DLGAP1: variants seen among roughly 807,000 people sequenced by gnomAD.
DLGAP1 encodes the protein DLG associated protein 1, also known as disks large-associated protein 1.
In DLGAP1, 11 loss-of-function variants were observed where a neutral mutation model predicts 90.8. The ratio of observed to expected loss-of-function variants is 0.12; its 90% CI spans 0.08 to 0.20. The LOEUF is 0.20. Ranked by LOEUF, DLGAP1 falls within the 10% of genes least tolerant of loss-of-function variation. The pLI, the probability that DLGAP1 is intolerant of heterozygous loss-of-function variation, is 1.00. For missense variants in DLGAP1, 1,050 were observed against 1,333.8 expected, an observed-to-expected ratio of 0.79 and a Z score of 3.31; for synonymous variants, 558 against 540.7, an observed-to-expected ratio of 1.03 and a Z score of -0.44.
intron 1 of DLGAP1, among the ~76,000 whole-genome samples, chr18:4,343,361 C>T (rs1030350810): frequency 6.6e-6 from 1 of 151,332 alleles, no homozygotes; most frequent in Non-Finnish European, 1.5e-5. Flanking sequence ...CATGCAGAAC[C>T]ATGGAGATAA....
chr18:4,202,094 TA>T (rs1568448179), intron 1 of DLGAP1, among the ~76,000 whole-genome samples: 2 of 151,926 alleles, frequency 1.3e-5, no homozygotes, highest in African/African-American at 4.8e-5. Context: ...AAGTGATTAG[TA>T]GATATAGAAA....
intron 4 of DLGAP1, among the ~76,000 whole-genome samples, chr18:3,862,610 C>T (rs935337835): frequency 9.2e-5 from 14 of 152,086 alleles, no homozygotes; most frequent in African/African-American, 3.4e-4. Context: ...CATGACGTGC[C>T]CAGCACAATG....
chr18:3,659,512 AAAC>A (rs1217136013), intron 7 of DLGAP1, among the ~76,000 whole-genome samples: 2 of 149,746 alleles, frequency 1.3e-5, no homozygotes, highest in Non-Finnish European at 3.0e-5. Context: ...ATACAATTGA[AAAC>A]AACAACAAAA....
chr18:3,811,431 A>G (rs905588025), intron 5 of DLGAP1, among the ~76,000 whole-genome samples: 2 of 152,086 alleles, frequency 1.3e-5, no homozygotes, highest in Non-Finnish European at 2.9e-5. Flanking sequence ...TAAACATAGG[A>G]AAAAAAAGTT....
At chr18:3,558,994 T>G (rs2053919441) in intron 9 of DLGAP1, among the ~76,000 whole-genome samples, 1 of 152,226 alleles carries the variant, frequency 6.6e-6, no homozygotes, top group South Asian at 2.1e-4. Context: ...ATATTGACTT[T>G]GGAAACAAAG....
intron 10 of DLGAP1, among the ~76,000 whole-genome samples, chr18:3,528,409 CCAGTTAT>C (rs1280095466): frequency 6.6e-6 from 1 of 152,132 alleles, no homozygotes; most frequent in Non-Finnish European, 1.5e-5. Context: ...AACTCTAGGC[CCAGTTAT>C]CAGAACAGAG....
chr18:4,326,409 C>T (rs1339938302), intron 1 of DLGAP1, among the ~76,000 whole-genome samples: 1 of 152,032 alleles, frequency 6.6e-6, no homozygotes, highest in Non-Finnish European at 1.5e-5. Context: ...TAAATTAGTT[C>T]AGTCATTGTG....
chr18:4,202,546 G>A (rs73371072), intron 1 of DLGAP1, among the ~76,000 whole-genome samples: 11,285 of 152,156 alleles, frequency 0.074, 1,135 homozygotes, highest in African/African-American at 0.23. Flanking sequence ...AAAGCTAGTT[G>A]AAATCAACAG....
chr18:4,334,192 C>A (rs995912093), intron 1 of DLGAP1, among the ~76,000 whole-genome samples: 1 of 151,550 alleles, frequency 6.6e-6, no homozygotes, highest in Non-Finnish European at 1.5e-5. Context: ...GAGCCGAGAT[C>A]GCGTCATTGC....
chr18:4,435,131 G>A (rs1479826082), intron 1 of DLGAP1, among the ~76,000 whole-genome samples: 2 of 152,100 alleles, frequency 1.3e-5, no homozygotes, highest in Non-Finnish European at 2.9e-5. Flanking sequence ...GTTTGGAGGA[G>A]GATAAAATTG....
chr18:3,910,185 G>C (rs1407606997), intron 3 of DLGAP1, among the ~76,000 whole-genome samples: 2 of 151,070 alleles, frequency 1.3e-5, no homozygotes, highest in East Asian at 3.9e-4. Flanking sequence ...TTTCCAATGA[G>C]CATGTGGATT....
chr18:3,644,030 G>A (rs2059033751), intron 7 of DLGAP1, among the ~76,000 whole-genome samples: 1 of 152,194 alleles, frequency 6.6e-6, no homozygotes, highest in South Asian at 2.1e-4. Context: ...CTGAAGTTTG[G>A]CAGGGCCATG....
At chr18:4,101,206 T>C (rs972817960) in intron 2 of DLGAP1, among the ~76,000 whole-genome samples, 3 of 152,220 alleles carry the variant, frequency 2.0e-5, no homozygotes, top group Admixed American at 6.5e-5. Flanking sequence ...CGTGCAACTC[T>C]TCCTTTCACT....
At chr18:4,125,539 A>G (rs2076219521) in intron 2 of DLGAP1, among the ~76,000 whole-genome samples, 1 of 152,202 alleles carries the variant, frequency 6.6e-6, no homozygotes, top group Non-Finnish European at 1.5e-5. Context: ...ATAGGGCTGG[A>G]ATAGTGGAGA....
chr18:4,058,226 G>C (rs565031089), intron 2 of DLGAP1, among the ~76,000 whole-genome samples: 1 of 152,290 alleles, frequency 6.6e-6, no homozygotes, highest in East Asian at 1.9e-4. Flanking sequence ...TCCACATTGG[G>C]AACAAATCTG....
chr18:4,188,963 C>T lies in DLGAP1; in HGVS notation c.-266-37676G>A, dbSNP rs1044702706. Among the ~76,000 whole-genome samples, 5 of 152,132 alleles carry T rather than the reference C, an allele frequency of 3.3e-5. 1 individual carries two copies. The highest frequency in any genetic ancestry group is 2.9e-5 in the Non-Finnish European group (2 of 68,014). On this transcript the variant is annotated intron_variant, in intron 1 of 12. Transcript: ENST00000315677. ...AGATATTTTTGAATGATGTTGTCATCAATGTTTTATTATTTTGTATTTAAT... is the reference window on the plus strand; with the variant it reads ...AGATATTTTTGAATGATGTTGTCATTAATGTTTTATTATTTTGTATTTAAT...
intron 2 of DLGAP1, among the ~76,000 whole-genome samples, chr18:4,103,532 T>G (rs1317940208): frequency 2.0e-5 from 3 of 152,148 alleles, no homozygotes; most frequent in Admixed American, 6.5e-5. Context: ...CTTTTATTAG[T>G]CCTACATAGA....
chr18:4,065,181 A>G (rs2075353634), intron 2 of DLGAP1, among the ~76,000 whole-genome samples: 1 of 152,124 alleles, frequency 6.6e-6, no homozygotes, highest in South Asian at 2.1e-4. Context: ...GAATACCTCA[A>G]CATAATAAGC....
rs550756844 is a variant in DLGAP1, at chr18:3,696,456, G to A, written c.1591+32679C>T. Among the ~76,000 whole-genome samples the A allele has an allele frequency of 5.3e-4, 81 of 152,230 alleles. 1 individual carries two copies. The highest frequency in any genetic ancestry group is 1.0e-3 in the African/African-American group (43 of 41,554). On this transcript the variant is annotated intron_variant, in intron 7 of 12. Transcript: ENST00000315677. ...CTTTTCTGCATCTATTGAAATAATC[G>A]TGTGTTTTTTGTCATTGGTTCTGTT...
Sources: gnomAD v4.1 joint callset for allele counts (sites outside exome capture counted in the v4.1 genomes callset) on GRCh38, gnomAD v4.1.1 for gene constraint, MANE v1.5 for transcripts, NCBI Gene and HGNC (gene_info 2026-07-23, HGNC 2026-07-21) for gene names.